Variants in GLI2 observed in about 807,000 individuals in gnomAD.
GLI2 encodes transcription activator GLI2.
In GLI2, 22 loss-of-function variants were observed where a neutral mutation model predicts 78.9. The ratio of observed to expected loss-of-function variants is 0.28; its 90% CI spans 0.20 to 0.40. The LOEUF (loss-of-function observed/expected upper bound fraction) is 0.40, where lower values mean the gene tolerates loss of function less well. GLI2 is among the 10% of genes least tolerant of loss of function. The pLI, the probability that GLI2 is intolerant of heterozygous loss-of-function variation, is 1.00. For missense variants in GLI2, 2,097 were observed against 2,213.2 expected, an observed-to-expected ratio of 0.95 and a Z score of 1.05; for synonymous variants, 974 against 963.7, an observed-to-expected ratio of 1.01 and a Z score of -0.20.
intron 2 of GLI2, among the ~76,000 whole-genome samples, chr2:120,852,674 A>C (rs1220972063): frequency 6.6e-6 from 1 of 152,196 alleles, no homozygotes; most frequent in Admixed American, 6.5e-5. Context: ...CCACTTTGGG[A>C]TCAAGCCTAG....
chr2:120,959,167 A>G (rs183926541), intron 5 of GLI2, among the ~76,000 whole-genome samples: 1 of 152,274 alleles, frequency 6.6e-6, no homozygotes, highest in African/African-American at 2.4e-5. Context: ...TGAGCTCAGC[A>G]GTGGGCGCGA....
chr2:120,982,707 T>G lies in GLI2; in HGVS notation c.1468-9T>G, dbSNP rs1008569568. Reference sequence around the variant, plus strand: ...GGGTGCCTTGACTGACTGAACCGCCTCCTTCTAGTTCGAGGGCTGCTCGAA... The same window carrying G: ...GGGTGCCTTGACTGACTGAACCGCCGCCTTCTAGTTCGAGGGCTGCTCGAA... On this transcript the variant is annotated splice_polypyrimidine_tract_variant and intron_variant, in intron 10 of 13. Coordinates refer to ENST00000361492, the MANE Select transcript of GLI2 (RefSeq NM_001374353.1). 1.2e-6 allele frequency: 2 copies of G among 1,608,584 alleles called. No individual in the cohort carries two copies. The highest frequency in any genetic ancestry group is 1.7e-6 in the Non-Finnish European group (2 of 1,176,278).
chr2:120,955,302 C>A lies in GLI2; in HGVS notation c.515C>A (p.Thr172Asn), dbSNP rs200720726. 5.5e-5 allele frequency: 89 copies of A among 1,611,772 alleles called. No individual in the cohort carries two copies. Among genetic ancestry groups the A allele is most frequent in the Non-Finnish European group, 7.3e-5 (86 of 1,178,122 alleles). Residue 172 changes from threonine to asparagine, a missense_variant, in exon 5 of 14, where the codon ACC becomes AAC. Physicochemically the swap from Thr to Asn is moderately conservative, Grantham distance 65. Coordinates refer to ENST00000361492, the MANE Select transcript of GLI2 (RefSeq NM_001374353.1). ...TTTGGCCTTCCTGCTCCAGGCACCA[C>A]CCCCTCAGACTATTACCACCAGATG... ...GLFGLPAPGT[T>N]PSDYYHQMTL... is the part of the protein sequence containing the mutation.
chr2:120,947,131 G>T (rs560780451), intron 3 of GLI2, among the ~76,000 whole-genome samples: 22 of 152,256 alleles, frequency 1.4e-4, no homozygotes, highest in African/African-American at 5.1e-4. Context: ...CTGCCCTCAG[G>T]TACTGCCCCC....
At chr2:120,794,084 G>A (rs1448588724) in intron 1 of GLI2, among the ~76,000 whole-genome samples, 3 of 152,198 alleles carry the variant, frequency 2.0e-5, no homozygotes, top group Non-Finnish European at 2.9e-5. Context: ...TGGGAATGCT[G>A]TGCTGAAGAG....
At chr2:120,768,828 T>TGTGCGC (rs1016876371) in intron 1 of GLI2, among the ~76,000 whole-genome samples, 1 of 150,414 alleles carries the variant, frequency 6.6e-6, no homozygotes, top group African/African-American at 2.5e-5. Flanking sequence ...TGTGTGTGTG[T>TGTGCGC]GCGTGTGTGT....
chr2:120,935,555 C>T (rs1680159460), intron 3 of GLI2, among the ~76,000 whole-genome samples: 1 of 152,218 alleles, frequency 6.6e-6, no homozygotes, highest in East Asian at 1.9e-4. Context: ...CAGCCGCCGG[C>T]TTATGTCATG....
intron 1 of GLI2, among the ~76,000 whole-genome samples, chr2:120,781,164 G>C (rs866084361): frequency 6.6e-6 from 1 of 152,216 alleles, no homozygotes; most frequent in South Asian, 2.1e-4. Context: ...CCATGCCCCT[G>C]GCCTGCAGTT....
At chr2:120,861,213 G>A (rs898950341) in intron 2 of GLI2, among the ~76,000 whole-genome samples, 7 of 152,208 alleles carry the variant, frequency 4.6e-5, no homozygotes, top group Non-Finnish European at 7.3e-5. Context: ...GACGGAGTGC[G>A]AATTCCATTC....
At chr2:120,904,761 T>A (rs1373184868) in intron 2 of GLI2, among the ~76,000 whole-genome samples, 1 of 152,206 alleles carries the variant, frequency 6.6e-6, no homozygotes, top group Non-Finnish European at 1.5e-5. Context: ...CTTGATTCCC[T>A]GGTGTTTCTC....
intron 5 of GLI2, among the ~76,000 whole-genome samples, chr2:120,964,227 A>T (rs1681725564): frequency 1.3e-5 from 2 of 152,194 alleles, no homozygotes; most frequent in Admixed American, 1.3e-4. Flanking sequence ...CTGAGGTCTG[A>T]GCAGGCAGAG....
chr2:120,817,304 G>T (rs768144815), intron 2 of GLI2, among the ~76,000 whole-genome samples: 2 of 152,192 alleles, frequency 1.3e-5, no homozygotes, highest in Non-Finnish European at 2.9e-5. Context: ...CCTCCGTGGG[G>T]TCTCTCCCCC....
intron 1 of GLI2, among the ~76,000 whole-genome samples, chr2:120,792,098 G>A (rs937918917): frequency 6.6e-6 from 1 of 152,192 alleles, no homozygotes; most frequent in Non-Finnish European, 1.5e-5. Flanking sequence ...GGGGAACAAT[G>A]CTCTAATTCC....
rs377611490 is a variant in GLI2, at chr2:120,979,114, A to T, written c.1467+531A>T. On this transcript the variant is annotated intron_variant, in intron 10 of 13. Coordinates refer to ENST00000361492, the MANE Select transcript of GLI2 (RefSeq NM_001374353.1). The stretch of plus-strand genomic sequence containing the variant: ...CACCTCAGCCTCCTGAGTAGCTGGG[A>T]CTACAGGTACATGCCACCAACCCAG... Among the ~76,000 whole-genome samples, 51 of 152,192 alleles carry T rather than the reference A, an allele frequency of 3.4e-4. No individual in the cohort carries two copies. The South Asian group carries it at 6.6e-3, about 20-fold the overall frequency.
chr2:120,829,571 C>T (rs983919550), intron 2 of GLI2, among the ~76,000 whole-genome samples: 5 of 152,226 alleles, frequency 3.3e-5, no homozygotes, highest in African/African-American at 1.2e-4. Flanking sequence ...GAGGAATAAA[C>T]CAAGGCTGGG....
chr2:120,745,699 T>G (rs1196744469), intron 1 of GLI2, among the ~76,000 whole-genome samples: 1 of 152,182 alleles, frequency 6.6e-6, no homozygotes, highest in African/African-American at 2.4e-5. Context: ...ATGTTACAAG[T>G]GCACCTGGGC....
chr2:120,863,717 G>A (rs754456882), intron 2 of GLI2, among the ~76,000 whole-genome samples: 3 of 152,164 alleles, frequency 2.0e-5, no homozygotes, highest in East Asian at 3.9e-4. Context: ...ATAATATGTC[G>A]ACCTTTGAGA....
chr2:120,881,389 G>T (rs1217540468), intron 2 of GLI2, among the ~76,000 whole-genome samples: 2 of 151,856 alleles, frequency 1.3e-5, no homozygotes, highest in Non-Finnish European at 2.9e-5. Flanking sequence ...GTGGGGAGAG[G>T]GCAGGTGGGG....
intron 2 of GLI2, among the ~76,000 whole-genome samples, chr2:120,870,950 G>T (rs1284040059): frequency 6.6e-6 from 1 of 152,210 alleles, no homozygotes; most frequent in African/African-American, 2.4e-5. Flanking sequence ...GAGCTGGGTG[G>T]GAAGGCAAGG....
Sources: gnomAD v4.1 joint callset for allele counts (sites outside exome capture counted in the v4.1 genomes callset) on GRCh38, gnomAD v4.1.1 for gene constraint, MANE v1.5 for transcripts, NCBI Gene and HGNC (gene_info 2026-07-23, HGNC 2026-07-21) for gene names.